The following NR1H3 variants were observed in gnomAD, a reference collection of about 807,000 sequenced individuals.
NR1H3 encodes nuclear receptor subfamily 1 group H member 3, also known as oxysterols receptor LXR-alpha.
In NR1H3, 19 loss-of-function variants were observed where a neutral mutation model predicts 48.1. The ratio of observed to expected loss-of-function variants is 0.40; its 90% confidence interval spans 0.28 to 0.58. The LOEUF is 0.58. Among genes scored for constraint, NR1H3 ranks in the 20% least tolerant of loss-of-function variants. NR1H3 has a pLI of 0.50. For synonymous variants in NR1H3, 232 were observed against 227.3 expected (o/e 1.02, Z -0.19); for missense variants, 486 against 595.9 (o/e 0.82, Z 1.92).
At position 47,268,904 on chromosome 11, in the gene NR1H3, G is replaced by A. The variant is rs966017510; in HGVS notation, c.*208G>A. The stretch of plus-strand genomic sequence containing the variant: ...TCGCTAACACTGTGCTGTGTCTGAA[G>A]ATCATGCTGACCCCACAAACGGATG... On this transcript the variant is annotated 3_prime_UTR_variant, in exon 10 of 10. Coordinates refer to ENST00000441012, the MANE Select transcript of NR1H3 (RefSeq NM_005693.4). The A allele has an allele frequency of 1.3e-5, 8 of 608,542 alleles. No homozygotes were observed. Among genetic ancestry groups the A allele is most frequent in the Non-Finnish European group, 2.2e-5 (8 of 356,494 alleles). 37.7% of individuals were successfully genotyped at this position (608,542 alleles called of 1,614,324 possible). A position where few individuals can be genotyped will look rare whatever the true frequency, so the allele number is the denominator to read the frequency against.
chr11:47,268,843 G>T lies in NR1H3; in HGVS notation c.*147G>T. ...CCGTGGCATTAAAAGAGAGTCAAAG[G>T]GTTGCGAGTTTTGTGGCTACTGAGC... is the stretch of plus-strand genomic sequence containing the variant. On this transcript the variant is annotated 3_prime_UTR_variant, in exon 10 of 10. Transcript: ENST00000441012. 2 of 1,039,186 alleles carry T rather than the reference G, an allele frequency of 1.9e-6. No homozygotes were observed. The highest frequency in any genetic ancestry group is 1.6e-5 in the South Asian group (1 of 62,408). The allele number at this position is 1,039,186 out of a possible 1,614,324, so 64.4% of individuals were successfully genotyped here. A position where few individuals can be genotyped will look rare whatever the true frequency, so the allele number is the denominator to read the frequency against.
At chr11:47,265,019 C>T (rs764924611) in intron 7 of NR1H3, among the ~76,000 whole-genome samples, 7 of 152,076 alleles carry the variant, frequency 4.6e-5, no homozygotes, top group Non-Finnish European at 1.0e-4. Context: ...TGCCGCCGGG[C>T]GTGGTGGCTT....
At chr11:47,253,929 C>G (rs893222575), upstream of NR1H3, among the ~76,000 whole-genome samples, 4 of 152,132 alleles carry the variant, frequency 2.6e-5, no homozygotes, top group Non-Finnish European at 5.9e-5. Context: ...AGCTGCTGAT[C>G]ACTTCACTGC....
chr11:47,261,336 C>G lies in NR1H3; in HGVS notation c.595C>G (p.Pro199Ala). The G allele has an allele frequency of 1.2e-6, 2 of 1,613,730 alleles. No homozygotes were observed. The highest frequency in any genetic ancestry group is 1.6e-4 in the Middle Eastern group (1 of 6,062). Residue 199 changes from proline (P) to alanine (A), a missense_variant, in exon 5 of 10, where the codon CCC (proline) becomes GCC (alanine). Physicochemically the swap from Pro to Ala is conservative, Grantham distance 27 (BLOSUM62 -1). Transcript: ENST00000441012. ...ATCCTTGCCCCCCAGGGCTTCCTCA[C>G]CCCCCCAAATCCTGCCCCAGCTCAG... ...ATSLPPRASS[P>A]PQILPQLSPE...
At chr11:47,257,703 C>A, upstream of NR1H3, 1 of 985,564 alleles carries the variant, frequency 1.0e-6, no homozygotes, top group Non-Finnish European at 1.2e-6. Flanking sequence ...TCCTGGGAGG[C>A]AGTCCTTTTG....
chr11:47,269,004 C>T lies in NR1H3; in HGVS notation c.*308C>T, dbSNP rs771809896. On this transcript the variant is annotated 3_prime_UTR_variant, in exon 10 of 10. Transcript: ENST00000441012. The stretch of plus-strand genomic sequence containing the variant: ...CCTCCACCACTTCCTGTTTTTCCCA[C>T]AGGGCCCCAAGAAAAATTCTCCACT... 3 of 355,386 alleles carry T rather than the reference C, an allele frequency of 8.4e-6. No homozygotes were observed. The highest frequency in any genetic ancestry group is 2.1e-5 in the African/African-American group (1 of 48,290). The allele number at this position is 355,386 out of a possible 1,614,324, so 22.0% of individuals were successfully genotyped here.
At chr11:47,260,881 C>T (rs1310933651) in intron 4 of NR1H3, among the ~76,000 whole-genome samples, 1 of 151,960 alleles carries the variant, frequency 6.6e-6, no homozygotes, top group Admixed American at 6.6e-5. Context: ...GATCAGAAGT[C>T]CGAGACCAGC....
At position 47,259,963 on chromosome 11, in the gene NR1H3, C is replaced by G. The variant is rs1410656088; in HGVS notation, c.216C>G (p.Pro72=). Residue 72 remains proline, a synonymous_variant, in exon 3 of 10, where the codon CCC becomes CCG. Transcript: ENST00000441012. ...CAGCCCTGCTCACCAGGGCAGAGCC[C>G]CCTTCAGAACCCACAGGTGAGGAGC... ...EPTALLTRAE[P]PSEPTEIRPQ... is the part of the protein sequence containing the mutation. 3 of 1,536,510 alleles carry G rather than the reference C, an allele frequency of 2.0e-6. No individual in the cohort carries two copies. In the African/African-American group the frequency reaches 4.2e-5, roughly 21 times the overall value.
chr11:47,261,269 G>A lies in NR1H3; in HGVS notation c.528G>A (p.Leu176=), dbSNP rs1955834198. The A allele has an allele frequency of 1.2e-6, 2 of 1,612,682 alleles. No homozygotes were observed. Among genetic ancestry groups the A allele is most frequent in the Admixed American group, 3.3e-5 (2 of 59,704 alleles). Residue 176 remains leucine (L), a synonymous_variant, in exon 5 of 10, where the codon CTG becomes CTA. Coordinates refer to ENST00000441012, the MANE Select transcript of NR1H3 (RefSeq NM_005693.4). ...TCCTGTCAGAAGAACAGATCCGCCT[G>A]AAGAAACTGAAGCGGCAAGAGGAGG... The part of the protein sequence containing the change: ...ECVLSEEQIR[L]KKLKRQEEEQ...
At chr11:47,266,321 G>A (rs748634805) in intron 7 of NR1H3, among the ~76,000 whole-genome samples, 13 of 151,094 alleles carry the variant, frequency 8.6e-5, no homozygotes, top group Non-Finnish European at 1.8e-4. Context: ...GTGAACCACC[G>A]TGCCCTGCTG....
Position 47,268,255 on chromosome 11 carries a change from CT to C in NR1H3, c.1103-5del. The stretch of plus-strand genomic sequence containing the variant: ...CCTGCTCCTCAACTCTCTTGGTGAC[CT>C]ATAGACCGGCCCAACGTGCAGGACC... On this transcript the variant is annotated splice_region_variant and splice_polypyrimidine_tract_variant and intron_variant, in intron 8 of 9. Coordinates refer to ENST00000441012, the MANE Select transcript of NR1H3 (RefSeq NM_005693.4). 1 of 1,613,776 alleles carries C rather than the reference CT, an allele frequency of 6.2e-7. No homozygotes were observed.
At chr11:47,258,266 C>T (rs1955414127) in intron 1 of NR1H3, 137 bp downstream of exon 1, 1 of 908,476 alleles carries the variant, frequency 1.1e-6, no homozygotes, top group Non-Finnish European at 1.3e-6. Flanking sequence ...GGGACAGGAG[C>T]AGGACTCTGG....
At chr11:47,268,086 C>T in intron 8 of NR1H3, 60 bp downstream of exon 8, 1 of 1,385,498 alleles carries the variant, frequency 7.2e-7, no homozygotes, top group Non-Finnish European at 1.0e-6. Context: ...GCTGCAGGTC[C>T]CACAGGAATC....
Position 47,268,839 on chromosome 11 carries a change from A to AGT in NR1H3, c.*143_*144insGT. The AGT allele has an allele frequency of 9.3e-7, 1 of 1,079,972 alleles. No homozygotes were observed. The highest frequency in any genetic ancestry group is 1.3e-6 in the Non-Finnish European group (1 of 761,166). 66.9% of individuals were successfully genotyped at this position (1,079,972 alleles called of 1,614,324 possible). The stretch of plus-strand genomic sequence containing the variant: ...CCTCCCGTGGCATTAAAAGAGAGTC[A>AGT]AAGGGTTGCGAGTTTTGTGGCTACT... On this transcript the variant is annotated 3_prime_UTR_variant, in exon 10 of 10. Coordinates refer to ENST00000441012, the MANE Select transcript of NR1H3 (RefSeq NM_005693.4).
chr11:47,253,861 T>C (rs921396451), upstream of NR1H3, among the ~76,000 whole-genome samples: 2 of 152,104 alleles, frequency 1.3e-5, no homozygotes, highest in Admixed American at 6.6e-5. Context: ...ACCTAACAAC[T>C]GTGGGCTGGT....
intron 7 of NR1H3, 122 bp from the exon 8 acceptor site, chr11:47,267,791 G>T: frequency 1.4e-6 from 1 of 709,326 alleles, no homozygotes; most frequent in Non-Finnish European, 2.5e-6. Context: ...TTACAGGCGT[G>T]AGCCACTGTG....
In NR1H3 at chr11:47,261,296, A is replaced by T. The variant is rs763782725; in HGVS notation, c.555A>T (p.Glu185Asp). ...AGAAACTGAAGCGGCAAGAGGAGGA[A>T]CAGGCTCATGCCACATCCTTGCCCC... Reference protein sequence around the residue: ...RLKKLKRQEEEQAHATSLPPR... With the variant: ...RLKKLKRQEEDQAHATSLPPR... Residue 185 changes from glutamate (E) to aspartate (D), a missense_variant, in exon 5 of 10, where the codon GAA (glutamate) becomes GAT (aspartate). Physicochemically the swap from Glu to Asp is conservative, Grantham distance 45 (BLOSUM62 2). Transcript: ENST00000441012. The T allele has an allele frequency of 6.8e-6, 11 of 1,614,026 alleles. No individual in the cohort carries two copies. In the South Asian group the frequency reaches 9.9e-5, roughly 15 times the overall value.
chr11:47,258,960 G>T (rs1038736924), intron 1 of NR1H3: 1 of 721,606 alleles, frequency 1.4e-6, no homozygotes, highest in African/African-American at 1.8e-5. Flanking sequence ...AGGATCACTT[G>T]AGCCCAGGAA....
intron 7 of NR1H3, among the ~76,000 whole-genome samples, chr11:47,266,972 G>A (rs776293419): frequency 6.6e-6 from 1 of 152,036 alleles, no homozygotes; most frequent in Non-Finnish European, 1.5e-5. Flanking sequence ...AAAAATAAGA[G>A]TTGCCTCTAT....
Sources: allele counts gnomAD v4.1 joint callset (sites outside exome capture counted in the v4.1 genomes callset), GRCh38; gene constraint gnomAD v4.1.1; transcripts MANE v1.5; gene names NCBI Gene and HGNC (gene_info 2026-07-23, HGNC 2026-07-21).